The following KLRG1 variants were observed in gnomAD, a reference collection of about 807,000 sequenced individuals.
KLRG1 encodes the protein killer cell lectin-like receptor subfamily G member 1.
Under a neutral mutation model 21.8 loss-of-function variants are expected in KLRG1, and 16 were observed. The observed-to-expected ratio is 0.73, with a 90% confidence interval of 0.50 to 1.11. The LOEUF is 1.11. KLRG1 is among the 50% of genes most tolerant of loss of function. The pLI is 0.00. For synonymous variants in KLRG1, 69 were observed against 75.9 expected (o/e 0.91, Z 0.47); for missense variants, 173 against 218.3 (o/e 0.79, Z 1.31).
At chr12:8,955,155 C>T (rs773696487) in intron 1 of KLRG1, among the ~76,000 whole-genome samples, 3 of 152,112 alleles carry the variant, frequency 2.0e-5, no homozygotes, top group Non-Finnish European at 2.9e-5. Context: ...GACCTTGTGC[C>T]GCCCACCTCG....
chr12:9,083,197 A>G, the KLRG1 span, among the ~76,000 whole-genome samples: 2 of 152,076 alleles, frequency 1.3e-5, no homozygotes, highest in Non-Finnish European at 2.9e-5. Context: ...CAATGAGAAC[A>G]CTTGGACACA....
chr12:9,015,049 C>A (rs183127748), downstream of KLRG1, among the ~76,000 whole-genome samples: 1 of 151,682 alleles, frequency 6.6e-6, no homozygotes, highest in Non-Finnish European at 1.5e-5. Flanking sequence ...TAAAACATAC[C>A]GCCAGAGGAA....
chr12:9,084,701 G>A, the KLRG1 span, among the ~76,000 whole-genome samples: 1 of 151,740 alleles, frequency 6.6e-6, no homozygotes, highest in Non-Finnish European at 1.5e-5. Context: ...GAATGCAAAT[G>A]GACTAAATTC....
intron 1 of KLRG1, among the ~76,000 whole-genome samples, chr12:8,975,620 G>T (rs1251865761): frequency 6.6e-6 from 1 of 152,100 alleles, no homozygotes; most frequent in East Asian, 1.9e-4. Context: ...CTGGAGTGCA[G>T]TGGTGCGGCC....
the KLRG1 span, among the ~76,000 whole-genome samples, chr12:9,146,663 T>C: frequency 1.3e-5 from 2 of 152,344 alleles, 1 homozygote; most frequent in Middle Eastern, 6.8e-3. Flanking sequence ...TTCCTATCAA[T>C]CAGCCTTGTT....
the KLRG1 span, among the ~76,000 whole-genome samples, chr12:9,111,000 A>G: frequency 3.3e-5 from 5 of 152,234 alleles, no homozygotes; most frequent in Non-Finnish European, 5.9e-5. Context: ...TTATGTAACT[A>G]TAAGTAAATA....
chr12:9,058,206 A>C, the KLRG1 span: 1 of 152,308 alleles, frequency 6.6e-6, no homozygotes, highest in East Asian at 1.9e-4. Context: ...TCTGTTTATC[A>C]TCTGTATCTA....
At chr12:9,078,010 T>C in the KLRG1 span, among the ~76,000 whole-genome samples, 9 of 152,250 alleles carry the variant, frequency 5.9e-5, no homozygotes, top group Admixed American at 5.9e-4. Flanking sequence ...GTCTGCCTGA[T>C]TAATCTGCTA....
the KLRG1 span, among the ~76,000 whole-genome samples, chr12:9,039,412 T>C: frequency 6.6e-6 from 1 of 152,252 alleles, no homozygotes; most frequent in East Asian, 1.9e-4. Flanking sequence ...AAACTTAGGA[T>C]TGACAAAACG....
the KLRG1 span, among the ~76,000 whole-genome samples, chr12:9,045,383 CA>C: frequency 2.0e-5 from 3 of 152,102 alleles, no homozygotes; most frequent in Non-Finnish European, 4.4e-5. Context: ...AGAGTAAACA[CA>C]GCCGAACTCC....
chr12:8,962,204 G>C (rs1054541999), intron 1 of KLRG1, among the ~76,000 whole-genome samples: 1 of 152,226 alleles, frequency 6.6e-6, no homozygotes, highest in South Asian at 2.1e-4. Context: ...GATAAATCAG[G>C]TTTTATAAAT....
chr12:9,089,220 T>C, the KLRG1 span: 23 of 1,589,908 alleles, frequency 1.4e-5, no homozygotes, highest in Middle Eastern at 5.0e-4. Context: ...AAGTAGGGAG[T>C]TGAATGTTGT....
chr12:8,958,376 C>T (rs1946330753), intron 1 of KLRG1, among the ~76,000 whole-genome samples: 1 of 152,134 alleles, frequency 6.6e-6, no homozygotes. Context: ...TGTTTCTGGA[C>T]TTAATTCTGT....
the KLRG1 span, chr12:9,089,234 C>G: frequency 6.3e-7 from 1 of 1,588,574 alleles, no homozygotes. Flanking sequence ...ATGTTGTTTC[C>G]TTCTCTAGTC....
the KLRG1 span, chr12:9,182,228 C>T: frequency 9.7e-7 from 1 of 1,033,174 alleles, no homozygotes; most frequent in Non-Finnish European, 1.3e-6. Flanking sequence ...GAACTGCGTC[C>T]ATTCATTCTA....
At chr12:9,035,128 G>A in the KLRG1 span, among the ~76,000 whole-genome samples, 7 of 152,112 alleles carry the variant, frequency 4.6e-5, no homozygotes, top group East Asian at 1.9e-4. Flanking sequence ...TAAGCTGTGC[G>A]TTCATACAAA....
At chr12:9,194,135 C>A in the KLRG1 span, 10 of 1,613,986 alleles carry the variant, frequency 6.2e-6, no homozygotes, top group Non-Finnish European at 8.5e-6. Flanking sequence ...CTGTGCAAGA[C>A]CCTGCTCATT....
At chr12:9,099,115 T>C in the KLRG1 span, among the ~76,000 whole-genome samples, 4 of 152,166 alleles carry the variant, frequency 2.6e-5, no homozygotes, top group African/African-American at 7.2e-5. Context: ...TGCTTACATA[T>C]TTCCCAACGT....
the KLRG1 span, among the ~76,000 whole-genome samples, chr12:9,036,000 A>C: frequency 6.6e-6 from 1 of 152,086 alleles, no homozygotes. Context: ...TTGAGAGTGG[A>C]GATTGGGAGA....
Sources: allele counts gnomAD v4.1 joint callset (sites outside exome capture counted in the v4.1 genomes callset), GRCh38; gene constraint gnomAD v4.1.1; transcripts MANE v1.5; gene names NCBI Gene and HGNC (gene_info 2026-07-23, HGNC 2026-07-21).